Variants in PLPP1 observed in about 807,000 individuals in gnomAD.
The protein encoded by PLPP1 is lipid phosphate phosphohydrolase 1a.
In PLPP1, 24 loss-of-function variants were observed where a neutral mutation model predicts 31.2. That is an observed-to-expected ratio of 0.77 (90% CI 0.56 to 1.08). PLPP1 has a LOEUF of 1.08. PLPP1 is among the 50% of genes least tolerant of loss of function. The pLI is 0.00. For missense variants in PLPP1, 319 were observed against 342.7 expected (o/e 0.93, Z 0.55); for synonymous variants, 146 against 126.3 (o/e 1.16, Z -1.05).
chr5:55,464,166 T>G (rs1276708237), intron 3 of PLPP1, among the ~76,000 whole-genome samples: 1 of 151,314 alleles, frequency 6.6e-6, no homozygotes, highest in Non-Finnish European at 1.5e-5. Context: ...GCACTTCTAC[T>G]CCTAGATATT....
chr5:55,479,867 C>T (rs1381645310), intron 1 of PLPP1, among the ~76,000 whole-genome samples: 2 of 151,990 alleles, frequency 1.3e-5, no homozygotes, highest in African/African-American at 4.8e-5. Context: ...TTTTGATTAC[C>T]CTATGTGATG....
chr5:55,480,535 G>T (rs1752647966), intron 1 of PLPP1, among the ~76,000 whole-genome samples: 1 of 151,330 alleles, frequency 6.6e-6, no homozygotes, highest in South Asian at 2.1e-4. Context: ...TCATATAAAT[G>T]GAATTATACA....
At chr5:55,455,458 G>C (rs571429865) in intron 3 of PLPP1, among the ~76,000 whole-genome samples, 1 of 152,016 alleles carries the variant, frequency 6.6e-6, no homozygotes, top group Non-Finnish European at 1.5e-5. Context: ...GCCAAGCATG[G>C]TGGCTACACC....
At chr5:55,530,729 G>C in intron 1 of PLPP1, 2 of 1,573,846 alleles carry the variant, frequency 1.3e-6, no homozygotes, top group Non-Finnish European at 1.7e-6. Context: ...CGACACAGGG[G>C]ACAATGTGCT....
In PLPP1 at chr5:55,433,144, CA is replaced by C. The variant is rs57495015; in HGVS notation, c.550-7106del. 9.4e-3 allele frequency among the ~76,000 whole-genome samples: 1,177 copies of C among 125,254 alleles called. 11 individuals are homozygous for C. The highest frequency in any genetic ancestry group is 0.034 in the African/African-American group (1,114 of 32,486). 82.2% of individuals were successfully genotyped at this position (125,254 alleles called of 152,430 possible). On this transcript the variant is annotated intron_variant, in intron 4 of 5. Coordinates refer to ENST00000307259, the MANE Select transcript of PLPP1 (RefSeq NM_003711.4). ...GCAACATGGCGACACCCCATCTCTA[CA>C]AAAAAAAAAAAAAAAAAAATACAAA...
chr5:55,433,074 C>T (rs1751398982), intron 4 of PLPP1, among the ~76,000 whole-genome samples: 1 of 147,528 alleles, frequency 6.8e-6, no homozygotes, highest in Non-Finnish European at 1.5e-5. Context: ...TTCGGAAGGT[C>T]AAGGCGGGCA....
intron 4 of PLPP1, among the ~76,000 whole-genome samples, chr5:55,428,885 C>T (rs1751274198): frequency 6.6e-6 from 1 of 152,138 alleles, no homozygotes; most frequent in Admixed American, 6.5e-5. Context: ...AGCTGTATGT[C>T]CAATACAGTG....
At chr5:55,457,749 C>T (rs1033590710) in intron 3 of PLPP1, among the ~76,000 whole-genome samples, 1 of 151,966 alleles carries the variant, frequency 6.6e-6, no homozygotes, top group Admixed American at 6.6e-5. Flanking sequence ...ATTAGCTGGA[C>T]GTGGTGGCGG....
intron 3 of PLPP1, among the ~76,000 whole-genome samples, chr5:55,463,283 C>A (rs971755086): frequency 6.6e-6 from 1 of 152,090 alleles, no homozygotes; most frequent in Non-Finnish European, 1.5e-5. Context: ...AGCAAACCAC[C>A]ATGGCACATA....
intron 1 of PLPP1, among the ~76,000 whole-genome samples, chr5:55,487,384 T>C (rs963864688): frequency 1.4e-5 from 2 of 142,444 alleles, no homozygotes; most frequent in Non-Finnish European, 3.1e-5. Context: ...CCAAAAATGA[T>C]GGAAAAAAAA....
intron 1 of PLPP1, among the ~76,000 whole-genome samples, chr5:55,494,047 A>G (rs1162580108): frequency 6.6e-6 from 1 of 152,136 alleles, no homozygotes; most frequent in Non-Finnish European, 1.5e-5. Context: ...CCCAACTCCA[A>G]AGAAAGAAAA....
intron 1 of PLPP1, among the ~76,000 whole-genome samples, chr5:55,495,893 C>T (rs1000444215): frequency 2.6e-5 from 4 of 151,986 alleles, no homozygotes; most frequent in Admixed American, 6.6e-5. Context: ...CTTGCTCTGT[C>T]GCCCAGGCTG....
At chr5:55,446,480 C>A (rs1751767910) in intron 3 of PLPP1, among the ~76,000 whole-genome samples, 1 of 152,156 alleles carries the variant, frequency 6.6e-6, no homozygotes, top group South Asian at 2.1e-4. Context: ...TTAGTCTACA[C>A]CTGGTAATTC....
At chr5:55,528,137 A>G (rs1454161648) in intron 1 of PLPP1, among the ~76,000 whole-genome samples, 2 of 152,136 alleles carry the variant, frequency 1.3e-5, no homozygotes, top group Non-Finnish European at 2.9e-5. Context: ...AATCTTCTAG[A>G]TATTGTGGGA....
rs868778531 is a variant in PLPP1, at chr5:55,436,050, A to T, written c.549+5801T>A. On this transcript the variant is annotated intron_variant, in intron 4 of 5. Coordinates refer to ENST00000307259, the MANE Select transcript of PLPP1 (RefSeq NM_003711.4). The stretch of plus-strand genomic sequence containing the variant: ...AAAAAAAAAAAACTTCTTAGCCGGG[A>T]TATTACTAGAGATTCATACAAGCAA... Among the ~76,000 whole-genome samples, 14 of 151,790 alleles carry T rather than the reference A, an allele frequency of 9.2e-5. 1 individual carries two copies. The highest frequency in any genetic ancestry group is 6.8e-3 in the Middle Eastern group (2 of 294).
At position 55,491,377 on chromosome 5, in the gene PLPP1, AAGG is replaced by A. The variant is rs545795837; in HGVS notation, c.59-15930_59-15928del. Among the ~76,000 whole-genome samples, 390 of 152,344 alleles carry A rather than the reference AAGG, an allele frequency of 2.6e-3. 1 individual carries two copies. The highest frequency in any genetic ancestry group is 9.0e-3 in the African/African-American group (375 of 41,586). ...AATAAACAATAAAAGAGACTTCCAC[AAGG>A]AGGAGAGCAAAATTGGCCCATGGAA... On this transcript the variant is annotated intron_variant, in intron 1 of 5. Coordinates refer to ENST00000307259, the MANE Select transcript of PLPP1 (RefSeq NM_003711.4).
chr5:55,525,024 T>C (rs1039757380), intron 1 of PLPP1, among the ~76,000 whole-genome samples: 1 of 152,206 alleles, frequency 6.6e-6, no homozygotes, highest in Admixed American at 6.5e-5. Flanking sequence ...ATTTTCACCA[T>C]GGCTGGAATT....
chr5:55,438,335 G>C (rs1325097943), intron 4 of PLPP1, among the ~76,000 whole-genome samples: 1 of 152,206 alleles, frequency 6.6e-6, no homozygotes, highest in African/African-American at 2.4e-5. Context: ...CACTGATGCT[G>C]ACACTCTCTT....
At chr5:55,455,828 A>G (rs888933259) in intron 3 of PLPP1, among the ~76,000 whole-genome samples, 2 of 152,208 alleles carry the variant, frequency 1.3e-5, no homozygotes, top group African/African-American at 4.8e-5. Context: ...CAAATTCTCA[A>G]GCCCCATGCT....
Sources: allele counts gnomAD v4.1 joint callset (sites outside exome capture counted in the v4.1 genomes callset), GRCh38; gene constraint gnomAD v4.1.1; transcripts MANE v1.5; gene names NCBI Gene and HGNC (gene_info 2026-07-23, HGNC 2026-07-21).